Variants in DNAH6 observed in about 807,000 individuals in gnomAD.
DNAH6 encodes the protein axonemal beta dynein heavy chain 6.
DNAH6 carries 340 observed loss-of-function variants against 491.4 expected under a neutral mutation model. That is an observed-to-expected ratio of 0.69 (90% CI 0.63 to 0.76). DNAH6 has a LOEUF of 0.76. Among genes scored for constraint, DNAH6 ranks in the 30% least tolerant of loss-of-function variants. DNAH6 has a pLI of 0.00. For missense variants in DNAH6, 4,443 were observed against 4,972.2 expected, an observed-to-expected ratio of 0.89 and a Z score of 3.20; for synonymous variants, 1,603 against 1,686.1, an observed-to-expected ratio of 0.95 and a Z score of 1.21.
At chr2:84,622,187 G>T (rs530002658) in intron 26 of DNAH6, among the ~76,000 whole-genome samples, 2 of 152,078 alleles carry the variant, frequency 1.3e-5, no homozygotes, top group Non-Finnish European at 2.9e-5. Context: ...AATAGATCAT[G>T]CAGGATTATC....
chr2:84,544,892 C>A (rs753122718), intron 5 of DNAH6, among the ~76,000 whole-genome samples: 11 of 152,126 alleles, frequency 7.2e-5, no homozygotes, highest in Non-Finnish European at 1.6e-4. Flanking sequence ...AAGTCAGGGC[C>A]TTGTTTTCAT....
At chr2:84,521,695 A>G (rs1321565657) in intron 2 of DNAH6, among the ~76,000 whole-genome samples, 1 of 152,158 alleles carries the variant, frequency 6.6e-6, no homozygotes, top group Admixed American at 6.5e-5. Flanking sequence ...GCATATGGGT[A>G]GCCAGTTATC....
chr2:84,780,360 A>G (rs1192376), intron 64 of DNAH6, among the ~76,000 whole-genome samples: 1,855 of 151,976 alleles, frequency 0.012, 20 homozygotes, highest in Non-Finnish European at 0.018. Flanking sequence ...ATTTTTGCCT[A>G]ACTGGGTTGT....
intron 64 of DNAH6, among the ~76,000 whole-genome samples, chr2:84,780,550 C>T (rs1272654131): frequency 6.6e-6 from 1 of 152,118 alleles, no homozygotes; most frequent in African/African-American, 2.4e-5. Context: ...TTACTGGCTT[C>T]TTTGGACTGG....
intron 41 of DNAH6, among the ~76,000 whole-genome samples, chr2:84,678,567 T>G (rs1693477163): frequency 6.6e-6 from 1 of 152,146 alleles, no homozygotes; most frequent in Non-Finnish European, 1.5e-5. Flanking sequence ...TCGTTCTTCA[T>G]CATTCCAAAA....
At chr2:84,794,014 A>G (rs1289015342) in intron 68 of DNAH6, among the ~76,000 whole-genome samples, 1 of 152,204 alleles carries the variant, frequency 6.6e-6, no homozygotes, top group Non-Finnish European at 1.5e-5. Context: ...GCCCTCAGAA[A>G]TAATGCCGCA....
rs1305044156 is a variant in DNAH6 at position 84,762,739 on chromosome 2, T to C, written c.10513-16T>C. 1 of 1,529,140 alleles carries C rather than the reference T, an allele frequency of 6.5e-7. No homozygotes were observed. The allele number at this position is 1,529,140 out of a possible 1,614,324, so 94.7% of individuals were successfully genotyped here. On this transcript the variant is annotated splice_polypyrimidine_tract_variant and intron_variant, in intron 63 of 76. Coordinates refer to ENST00000389394, the MANE Select transcript of DNAH6 (RefSeq NM_001370.2). ...ATCCTCATTCAACATACTTTTTTTTTCTTTTCAACTTTCAGGTGGTTTTTG... is the reference window on the plus strand; with the variant it reads ...ATCCTCATTCAACATACTTTTTTTTCCTTTTCAACTTTCAGGTGGTTTTTG...
intron 22 of DNAH6, among the ~76,000 whole-genome samples, chr2:84,614,696 A>T (rs980555078): frequency 6.6e-6 from 1 of 151,306 alleles, no homozygotes; most frequent in Non-Finnish European, 1.5e-5. Context: ...ACCAACATCT[A>T]TTATTTTTTT....
chr2:84,684,745 C>A (rs1694122335), intron 42 of DNAH6, among the ~76,000 whole-genome samples: 1 of 152,178 alleles, frequency 6.6e-6, no homozygotes, highest in South Asian at 2.1e-4. Context: ...TGGAGAAGTA[C>A]CATTTCCAGG....
chr2:84,475,021 C>A, the DNAH6 span, among the ~76,000 whole-genome samples: 6 of 152,268 alleles, frequency 3.9e-5, no homozygotes, highest in East Asian at 1.2e-3. Flanking sequence ...CAATTCTTTC[C>A]CCTGGGGAGG....
chr2:84,616,730 G>T (rs192700908), intron 22 of DNAH6, among the ~76,000 whole-genome samples, 156 bp from the exon 23 acceptor site: 11 of 151,932 alleles, frequency 7.2e-5, no homozygotes, highest in Admixed American at 1.3e-4. Flanking sequence ...TTAACTTTAG[G>T]TTTGGATAAT....
At chr2:84,610,396 C>A (rs761695439) in intron 21 of DNAH6, among the ~76,000 whole-genome samples, 1 of 152,148 alleles carries the variant, frequency 6.6e-6, no homozygotes, top group Non-Finnish European at 1.5e-5. Flanking sequence ...CACCCACACT[C>A]AAGGGGAGAG....
intron 9 of DNAH6, 110 bp downstream of exon 9, chr2:84,550,167 T>C: frequency 2.2e-6 from 2 of 911,180 alleles, no homozygotes; most frequent in Non-Finnish European, 3.2e-6. Flanking sequence ...AAAAGAGAAA[T>C]GCATAGAGCA....
intron 47 of DNAH6, 74 bp from the exon 48 acceptor site, chr2:84,699,520 G>T: frequency 7.7e-7 from 1 of 1,295,936 alleles, no homozygotes; most frequent in Non-Finnish European, 1.1e-6. Flanking sequence ...AGCCTCAGAT[G>T]CATTAGCCAA....
chr2:84,805,667 C>T lies in DNAH6; in HGVS notation c.11484C>T (p.Tyr3828=), dbSNP rs1397458319. The change falls in exon 71 of 77, where the codon TAC becomes TAT. Residue 3828 remains tyrosine (Y), a splice_region_variant and synonymous_variant. Transcript: ENST00000389394. ...TCTGTCTCTTATTGCCATTACAGTA[C>T]AAAGAGACCAGCACTTTAATCAACA... ...MHENANLVFQ[Y]KETSTLINTI... The T allele has an allele frequency of 2.6e-6, 4 of 1,550,290 alleles. No homozygotes were observed. Among genetic ancestry groups the T allele is most frequent in the East Asian group, 4.9e-5 (2 of 40,876 alleles).
chr2:84,624,195 G>C (rs986647003), intron 26 of DNAH6, 70 bp from the exon 27 acceptor site: 14 of 1,359,940 alleles, frequency 1.0e-5, no homozygotes, highest in African/African-American at 1.5e-5. Flanking sequence ...AAATTGAATG[G>C]TGAAAGAGAT....
In DNAH6 at chr2:84,722,671, C is replaced by T; in HGVS notation, c.9839C>T (p.Thr3280Ile). Reference sequence around the variant, plus strand: ...ACCAGGCTGGAAGAAGCAGAGTCCACTGAGCAGATGATCAATGTGGCTCGT... The same window carrying T: ...ACCAGGCTGGAAGAAGCAGAGTCCATTGAGCAGATGATCAATGTGGCTCGT... ...IKTRLEEAES[T>I]EQMINVAREK... The change falls in exon 60 of 77, where the codon ACT (threonine) becomes ATT (isoleucine). Residue 3280 changes from threonine (T) to isoleucine (I), a missense_variant. Thr to Ile is a moderately conservative substitution (Grantham distance 89, BLOSUM62 -1). This residue lies in a region of DNAH6 where 1,463 missense variants were observed against 1,656.6 expected (regional missense o/e 0.88). Coordinates refer to ENST00000389394, the MANE Select transcript of DNAH6 (RefSeq NM_001370.2). The T allele has an allele frequency of 6.4e-7, 1 of 1,550,912 alleles. No individual in the cohort carries two copies. Among genetic ancestry groups the T allele is most frequent in the Non-Finnish European group, 8.7e-7 (1 of 1,146,662 alleles).
At chr2:84,512,480 C>G (rs1461194325), upstream of DNAH6, among the ~76,000 whole-genome samples, 2 of 152,190 alleles carry the variant, frequency 1.3e-5, no homozygotes, top group African/African-American at 4.8e-5. Context: ...TTGACCTAAT[C>G]ACCTCTTATT....
rs541525669 is a variant in DNAH6, at chr2:84,733,446, A to G, written c.10209A>G (p.Glu3403=). The change falls in exon 62 of 77, where the codon GAA becomes GAG. Residue 3403 remains glutamate (E), a splice_region_variant and synonymous_variant. Coordinates refer to ENST00000389394, the MANE Select transcript of DNAH6 (RefSeq NM_001370.2). ...FLRGSAGLEK[E]RPPKPEAPWL... ...ATTCATTTTCTGTCTTCAAACAGGAACGCCCACCTAAGCCTGAAGCTCCCT... is the reference window on the plus strand; with the variant it reads ...ATTCATTTTCTGTCTTCAAACAGGAGCGCCCACCTAAGCCTGAAGCTCCCT... 5 of 1,550,236 alleles carry G rather than the reference A, an allele frequency of 3.2e-6. No individual in the cohort carries two copies. Among genetic ancestry groups the G allele is most frequent in the South Asian group, 2.4e-5 (2 of 83,834 alleles).
Sources: allele counts gnomAD v4.1 joint callset (sites outside exome capture counted in the v4.1 genomes callset), GRCh38; gene constraint gnomAD v4.1.1; regional missense constraint gnomAD v4.1.1; transcripts MANE v1.5; gene names NCBI Gene and HGNC (gene_info 2026-07-23, HGNC 2026-07-21).